Variants in PPFIA2 observed in about 807,000 individuals in gnomAD.
The protein encoded by PPFIA2 is PPFI scaffold protein A2, also known as liprin-alpha-2.
In PPFIA2, 46 loss-of-function variants were observed where a neutral mutation model predicts 175.5. That is an observed-to-expected ratio of 0.26 (90% CI 0.21 to 0.34). The LOEUF is 0.34. Among genes scored for constraint, PPFIA2 ranks in the 10% least tolerant of loss-of-function variants. PPFIA2 has a pLI of 1.00. For synonymous variants in PPFIA2, 568 were observed against 511.4 expected (o/e 1.11, Z -1.49); for missense variants, 1,179 against 1,506.1 (o/e 0.78, Z 3.60).
intron 3 of PPFIA2, among the ~76,000 whole-genome samples, chr12:81,741,134 G>C (rs1423003599): frequency 6.6e-6 from 1 of 152,052 alleles, no homozygotes; most frequent in Non-Finnish European, 1.5e-5. Flanking sequence ...TATACATTCT[G>C]ACCTCAGTGC....
intron 8 of PPFIA2, among the ~76,000 whole-genome samples, chr12:81,385,488 G>A (rs1435246904): frequency 1.3e-5 from 2 of 152,126 alleles, no homozygotes; most frequent in Non-Finnish European, 2.9e-5. Flanking sequence ...GGATAAAAGC[G>A]AGTGTGGCAT....
In PPFIA2 at chr12:81,304,115, A is replaced by G. The variant is rs113557004; in HGVS notation, c.2643-4733T>C. On this transcript the variant is annotated intron_variant, in intron 22 of 32. Coordinates refer to ENST00000549396, the MANE Select transcript of PPFIA2 (RefSeq NM_003625.5). ...GATTCAACAAAAATGCTTCCTTTCTATATCCATCCTTCTCTTGCCCTGGAG... is the reference window on the plus strand; with the variant it reads ...GATTCAACAAAAATGCTTCCTTTCTGTATCCATCCTTCTCTTGCCCTGGAG... Among the ~76,000 whole-genome samples, 1,091 of 152,196 alleles carry G rather than the reference A, an allele frequency of 7.2e-3. 20 individuals are homozygous for G. Among genetic ancestry groups the G allele is most frequent in the African/African-American group, 0.025 (1,045 of 41,504 alleles).
At chr12:81,460,792 A>G (rs988247017) in intron 4 of PPFIA2, among the ~76,000 whole-genome samples, 2 of 152,106 alleles carry the variant, frequency 1.3e-5, no homozygotes, top group African/African-American at 4.8e-5. Flanking sequence ...AGCAATTTAT[A>G]TTAATTACCT....
chr12:81,422,128 GTATATA>G (rs763420952), intron 7 of PPFIA2, among the ~76,000 whole-genome samples: 2 of 131,806 alleles, frequency 1.5e-5, no homozygotes, highest in East Asian at 5.2e-4. Context: ...ATATATGTGT[GTATATA>G]TATGTGTATA....
intron 3 of PPFIA2, among the ~76,000 whole-genome samples, chr12:81,705,224 C>T (rs2076978904): frequency 6.7e-6 from 1 of 150,296 alleles, no homozygotes; most frequent in Admixed American, 6.6e-5. Context: ...CCGAGGCGGG[C>T]AGATCACGAG....
intron 5 of PPFIA2, among the ~76,000 whole-genome samples, chr12:81,449,737 C>T (rs1348729168): frequency 5.9e-5 from 9 of 151,776 alleles, no homozygotes; most frequent in Non-Finnish European, 1.0e-4. Flanking sequence ...GTGCTGCACC[C>T]ATTAACTCGT....
chr12:81,683,561 C>T (rs761906897), intron 3 of PPFIA2, among the ~76,000 whole-genome samples: 4 of 152,012 alleles, frequency 2.6e-5, no homozygotes, highest in Admixed American at 6.6e-5. Flanking sequence ...TATGATTTGG[C>T]TCTTGGCTAT....
intron 4 of PPFIA2, among the ~76,000 whole-genome samples, chr12:81,659,554 G>A (rs932890360): frequency 6.6e-6 from 1 of 152,174 alleles, no homozygotes; most frequent in East Asian, 1.9e-4. Context: ...CAAAGCAGCG[G>A]GGAAGCTAGA....
At chr12:81,741,011 AGTTT>A (rs944580943) in intron 3 of PPFIA2, among the ~76,000 whole-genome samples, 3 of 152,192 alleles carry the variant, frequency 2.0e-5, no homozygotes, top group African/African-American at 7.2e-5. Context: ...AAAGTGGCTT[AGTTT>A]AAGAAATAAA....
At chr12:81,726,989 G>C (rs912301821) in intron 3 of PPFIA2, among the ~76,000 whole-genome samples, 10 of 151,324 alleles carry the variant, frequency 6.6e-5, no homozygotes, top group South Asian at 4.1e-4. Flanking sequence ...ATGTGGGACA[G>C]AGCCAAAGCC....
At chr12:81,566,530 C>CAAAAAAAAAAAAAAAAAAAAAAAA (rs3075452) in intron 4 of PPFIA2, among the ~76,000 whole-genome samples, 22 of 68,428 alleles carry the variant, frequency 3.2e-4, no homozygotes, top group South Asian at 6.2e-4. Flanking sequence ...GACTCCAACT[C>CAAAAAAAAAAAAAAAAAAAAAAAA]AAAAAAAAAA....
At chr12:81,263,479 ATTAT>A in intron 30 of PPFIA2, 89 bp from the exon 31 acceptor site, 1 of 1,144,858 alleles carries the variant, frequency 8.7e-7, no homozygotes. Context: ...TGTAACATAG[ATTAT>A]TTACATTTAG....
At chr12:81,267,209 T>A in intron 29 of PPFIA2, 189 bp from the exon 30 acceptor site, 1 of 582,686 alleles carries the variant, frequency 1.7e-6, no homozygotes, top group Non-Finnish European at 3.1e-6. Flanking sequence ...TTTTTTTTTT[T>A]TTTCTGTGAA....
rs762478970 is a variant in PPFIA2, at chr12:81,358,055, G to A, written c.1773+27C>T. On this transcript the variant is annotated intron_variant, in intron 16 of 32. Transcript: ENST00000549396. ...GAAACTATGTATTTAAATAAAACTA[G>A]AGAAGAGTTGAAGTTAAAAGATTAA... is the stretch of plus-strand genomic sequence containing the variant. The A allele has an allele frequency of 4.6e-6, 7 of 1,538,166 alleles. No individual in the cohort carries two copies. The Admixed American group carries it at 1.3e-4, about 28-fold the overall frequency.
chr12:81,283,768 T>G lies in PPFIA2; in HGVS notation c.2988+473A>C, dbSNP rs80296559. On this transcript the variant is annotated intron_variant, in intron 25 of 32. Coordinates refer to ENST00000549396, the MANE Select transcript of PPFIA2 (RefSeq NM_003625.5). ...AATTCTTTAAAATTGTGCTTTTCAG[T>G]ACCAAATTAACATAACACTTTTTTG... Among the ~76,000 whole-genome samples, 270 of 152,282 alleles carry G rather than the reference T, an allele frequency of 1.8e-3. 2 individuals carry two copies. The highest frequency in any genetic ancestry group is 6.1e-3 in the African/African-American group (252 of 41,580).
chr12:81,672,018 A>G (rs933070389), intron 4 of PPFIA2, among the ~76,000 whole-genome samples: 2 of 151,950 alleles, frequency 1.3e-5, no homozygotes, highest in African/African-American at 4.8e-5. Flanking sequence ...ATATTGTAAG[A>G]TTCTGAAATG....
At chr12:81,528,733 A>G (rs575766639) in intron 4 of PPFIA2, among the ~76,000 whole-genome samples, 4 of 152,236 alleles carry the variant, frequency 2.6e-5, no homozygotes, top group Admixed American at 2.6e-4. Context: ...AATTATCGCT[A>G]TAATCAGCAG....
At chr12:81,560,286 G>C (rs1234424326) in intron 4 of PPFIA2, among the ~76,000 whole-genome samples, 3 of 151,756 alleles carry the variant, frequency 2.0e-5, no homozygotes, top group African/African-American at 7.3e-5. Flanking sequence ...GAGAGAGAGA[G>C]AGCTAGAGAG....
intron 4 of PPFIA2, among the ~76,000 whole-genome samples, chr12:81,544,365 G>A (rs936600369): frequency 1.3e-5 from 2 of 152,148 alleles, no homozygotes; most frequent in African/African-American, 4.8e-5. Context: ...TGCTCAGGCA[G>A]CATGGTCTTA....
Sources: gnomAD v4.1 joint callset for allele counts (sites outside exome capture counted in the v4.1 genomes callset) on GRCh38, gnomAD v4.1.1 for gene constraint, MANE v1.5 for transcripts, NCBI Gene and HGNC (gene_info 2026-07-23, HGNC 2026-07-21) for gene names.